Variants in MYO16 observed in about 807,000 individuals in gnomAD.
MYO16 encodes the protein myosin XVI.
MYO16 carries 94 observed loss-of-function variants against 205.3 expected under a neutral mutation model. The observed-to-expected ratio is 0.46, with a 90% CI of 0.39 to 0.54. MYO16 has a LOEUF of 0.54. Ranked by LOEUF, MYO16 falls within the 20% of genes least tolerant of loss-of-function variation. MYO16 has a pLI of 0.00. For missense variants in MYO16, 2,315 were observed against 2,387.5 expected (o/e 0.97, Z 0.63); for synonymous variants, 988 against 954.0 (o/e 1.04, Z -0.66).
chr13:108,925,719 G>A (rs1017725081), intron 16 of MYO16, among the ~76,000 whole-genome samples: 1 of 152,054 alleles, frequency 6.6e-6, no homozygotes, highest in Non-Finnish European at 1.5e-5. Flanking sequence ...ACCCGTCTAC[G>A]TCTCTCCATC....
rs1450108223 is a variant in MYO16 at position 108,834,668 on chromosome 13, T to TCA, written c.1098-9670_1098-9669dup. On this transcript the variant is annotated intron_variant, in intron 9 of 34. Coordinates refer to ENST00000457511, the MANE Select transcript of MYO16 (RefSeq NM_001198950.3). ...CTCTCTCTCTCTCTCTCTCTCTCTC[T>TCA]CACACATATATATATGTGAATATAT... Among the ~76,000 whole-genome samples, 224 of 31,318 alleles carry TCA rather than the reference T, an allele frequency of 7.2e-3. 2 individuals are homozygous for TCA. The highest frequency in any genetic ancestry group is 0.045 in the South Asian group (105 of 2,330). 20.5% of individuals were successfully genotyped at this position (31,318 alleles called of 152,430 possible).
intron 24 of MYO16, 27 bp from the exon 25 acceptor site, chr13:109,052,273 T>A (rs748351487): frequency 6.3e-7 from 1 of 1,593,548 alleles, no homozygotes; most frequent in Middle Eastern, 1.7e-4. Flanking sequence ...TAGTGCCACT[T>A]ACGATATTCA....
At position 108,910,048 on chromosome 13, in the gene MYO16, A is replaced by T; in HGVS notation, c.1823A>T (p.Gln608Leu). 1 of 1,613,552 alleles carries T rather than the reference A, an allele frequency of 6.2e-7. No individual in the cohort carries two copies. Among genetic ancestry groups the T allele is most frequent in the Non-Finnish European group, 8.5e-7 (1 of 1,179,678 alleles). ...YLLEKSRLVS[Q>L]PLGQSNFLIF... ...CTAGAGAAATCCAGACTTGTTTCAC[A>T]ACCTCTTGGCCAGAGCAATTTTCTC... Residue 608 changes from glutamine to leucine, a missense_variant, in exon 16 of 35, where the codon CAA becomes CTA. This residue lies in a region of MYO16 where 1,213 missense variants were observed against 1,274.4 expected (regional missense o/e 0.95). Transcript: ENST00000457511.
the MYO16 span, among the ~76,000 whole-genome samples, chr13:108,533,584 T>A: frequency 1.3e-5 from 2 of 152,220 alleles, no homozygotes; most frequent in African/African-American, 4.8e-5. Context: ...CACACATTGA[T>A]GCTGGGAGTG....
chr13:108,858,935 C>T (rs988517520), intron 11 of MYO16, among the ~76,000 whole-genome samples: 8 of 152,274 alleles, frequency 5.3e-5, no homozygotes, highest in South Asian at 4.1e-4. Flanking sequence ...GGCAGCACTT[C>T]GGTGCAGGGC....
At chr13:108,626,280 C>T (rs181928852), upstream of MYO16, among the ~76,000 whole-genome samples, 13 of 151,970 alleles carry the variant, frequency 8.6e-5, no homozygotes, top group East Asian at 3.9e-4. Context: ...ATTATGCATT[C>T]GTATTTGGAA....
Position 108,991,222 on chromosome 13 carries a change from C to A in MYO16, c.2370-1154C>A, listed in dbSNP as rs567963984. ...ACCCTTCCCTGCCTTCCATGTAACC[C>A]TCTTCACCTGATCACCATTGCTAGA... On this transcript the variant is annotated intron_variant, in intron 20 of 34. Transcript: ENST00000457511. Among the ~76,000 whole-genome samples, 143 of 152,264 alleles carry A rather than the reference C, an allele frequency of 9.4e-4. 1 individual carries two copies. The highest frequency in any genetic ancestry group is 1.8e-3 in the Non-Finnish European group (121 of 68,016).
chr13:108,606,838 G>T (rs746747503), intron 1 of MYO16, among the ~76,000 whole-genome samples: 3 of 152,096 alleles, frequency 2.0e-5, no homozygotes, highest in Non-Finnish European at 2.9e-5. Flanking sequence ...ATGAAAGCAG[G>T]GAGTGGAAGG....
chr13:108,958,799 A>T (rs1883476285), intron 17 of MYO16, among the ~76,000 whole-genome samples: 1 of 152,276 alleles, frequency 6.6e-6, no homozygotes, highest in African/African-American at 2.4e-5. Context: ...TCCCAGAGGC[A>T]TTATCTCTGC....
At position 109,055,628 on chromosome 13, in the gene MYO16, C is replaced by G. The variant is rs749904872; in HGVS notation, c.3335+33C>G. 13 of 1,568,118 alleles carry G rather than the reference C, an allele frequency of 8.3e-6. No individual in the cohort carries two copies. In the South Asian group the frequency reaches 1.3e-4, roughly 16 times the overall value. On this transcript the variant is annotated intron_variant, in intron 27 of 34. Coordinates refer to ENST00000457511, the MANE Select transcript of MYO16 (RefSeq NM_001198950.3). This position sits in a 1 kb window ranked among gnomAD's most constrained non-coding sequence, Gnocchi z 5.0. ...CTTCTGCTCTTAAAATCGTCGTTCT[C>G]GCTGCTGTTCAGTGCAGTGTACTGA...
intron 34 of MYO16, 86 bp downstream of exon 34, chr13:109,179,719 C>T (rs1879375543): frequency 9.2e-7 from 1 of 1,090,234 alleles, no homozygotes; most frequent in Non-Finnish European, 1.4e-6. Context: ...CCAATAGATG[C>T]TCTGTGTGGA....
chr13:109,030,954 A>G (rs1389970381), intron 23 of MYO16, among the ~76,000 whole-genome samples: 1 of 152,114 alleles, frequency 6.6e-6, no homozygotes, highest in East Asian at 1.9e-4. Context: ...TCTCAATCCA[A>G]ATACTCCACT....
chr13:109,150,740 C>T (rs1877613797), intron 32 of MYO16, among the ~76,000 whole-genome samples: 1 of 152,222 alleles, frequency 6.6e-6, no homozygotes, highest in Non-Finnish European at 1.5e-5. Flanking sequence ...GATTCTCTTT[C>T]ATAACCAGTA....
chr13:108,627,225 A>G (rs1879776389), upstream of MYO16, among the ~76,000 whole-genome samples: 1 of 152,080 alleles, frequency 6.6e-6, no homozygotes, highest in African/African-American at 2.4e-5. Context: ...ACATAGTTCT[A>G]CCAATGTTTA....
intron 27 of MYO16, among the ~76,000 whole-genome samples, chr13:109,097,839 T>G (rs994833308): frequency 6.6e-6 from 1 of 152,248 alleles, no homozygotes; most frequent in Non-Finnish European, 1.5e-5. Flanking sequence ...GGGTGGTTGC[T>G]GATACTGATA....
Position 108,964,794 on chromosome 13 carries a change from T to C in MYO16, c.2261T>C (p.Ile754Thr). The change falls in exon 20 of 35, where the codon ATT becomes ACT. Residue 754 changes from isoleucine (I) to threonine (T), a missense_variant. This residue lies in a region of MYO16 where 1,213 missense variants were observed against 1,274.4 expected (regional missense o/e 0.95). Coordinates refer to ENST00000457511, the MANE Select transcript of MYO16 (RefSeq NM_001198950.3). ...DMIIRRHTIQ[I>T]AEFFRDLLAK... Reference sequence around the variant, plus strand: ...ATAATACGACGACATACCATACAGATTGCTGAGTTTTTCCGAGACCTCTTG... The same window carrying C: ...ATAATACGACGACATACCATACAGACTGCTGAGTTTTTCCGAGACCTCTTG... The C allele has an allele frequency of 1.2e-6, 2 of 1,614,168 alleles. No individual in the cohort carries two copies. Among genetic ancestry groups the C allele is most frequent in the Non-Finnish European group, 1.7e-6 (2 of 1,180,004 alleles).
intron 20 of MYO16, among the ~76,000 whole-genome samples, chr13:108,980,943 G>C (rs985220070): frequency 6.6e-6 from 1 of 152,048 alleles, no homozygotes; most frequent in African/African-American, 2.4e-5. Flanking sequence ...TAAGTACATG[G>C]CCCAAATCAC....
chr13:109,022,400 T>TATACAAATATAAAC (rs1886082705), intron 23 of MYO16, among the ~76,000 whole-genome samples: 2 of 6,056 alleles, frequency 3.3e-4, no homozygotes, highest in Non-Finnish European at 8.3e-4. Context: ...CATATATGTA[T>TATACAAATATAAAC]ATATGTATAT....
chr13:109,181,802 T>G (rs1159874906), intron 34 of MYO16, among the ~76,000 whole-genome samples: 1 of 141,268 alleles, frequency 7.1e-6, no homozygotes. Context: ...TTCATAAAAT[T>G]TATTTATTTA....
Sources: allele counts gnomAD v4.1 joint callset (sites outside exome capture counted in the v4.1 genomes callset), GRCh38; gene constraint gnomAD v4.1.1; regional missense constraint gnomAD v4.1.1; non-coding constraint Gnocchi (gnomAD v3.1); transcripts MANE v1.5; gene names NCBI Gene and HGNC (gene_info 2026-07-23, HGNC 2026-07-21).